EVI5: variants seen among roughly 807,000 people sequenced by gnomAD.
EVI5 encodes the protein ecotropic viral integration site 5, also known as ecotropic viral integration site 5 protein homolog.
Under a neutral mutation model 112.0 loss-of-function variants are expected in EVI5, and 73 were observed. The ratio of observed to expected loss-of-function variants is 0.65; its 90% CI spans 0.54 to 0.79. The LOEUF (loss-of-function observed/expected upper bound fraction) is 0.79. Among genes scored for constraint, EVI5 ranks in the 30% least tolerant of loss-of-function variants. EVI5 has a pLI of 0.00. For missense variants in EVI5, 900 were observed against 968.8 expected (o/e 0.93, Z 0.94); for synonymous variants, 305 against 319.9 (o/e 0.95, Z 0.50).
chr1:92,522,585 C>T (rs924399833), intron 19 of EVI5, among the ~76,000 whole-genome samples: 1 of 141,662 alleles, frequency 7.1e-6, no homozygotes, highest in African/African-American at 2.6e-5. Context: ...TAGCCGAGAT[C>T]ACGCCACAGC....
chr1:92,655,240 T>C (rs1393441140), intron 13 of EVI5, among the ~76,000 whole-genome samples: 1 of 151,570 alleles, frequency 6.6e-6, no homozygotes, highest in Non-Finnish European at 1.5e-5. Flanking sequence ...AGGTGTCTAA[T>C]CATCAGTAAA....
intron 19 of EVI5, among the ~76,000 whole-genome samples, chr1:92,522,222 T>C (rs1334687102): frequency 6.6e-6 from 1 of 152,166 alleles, no homozygotes; most frequent in East Asian, 1.9e-4. Context: ...TTCAGAGCCG[T>C]CTTATTCTTT....
chr1:92,645,238 TA>T (rs1180736194), intron 13 of EVI5, among the ~76,000 whole-genome samples: 2 of 152,194 alleles, frequency 1.3e-5, no homozygotes, highest in African/African-American at 4.8e-5. Flanking sequence ...GAACTATCAT[TA>T]TAGATAGTTC....
chr1:92,621,601 A>C (rs888465889), intron 16 of EVI5, among the ~76,000 whole-genome samples: 1 of 152,188 alleles, frequency 6.6e-6, no homozygotes, highest in African/African-American at 2.4e-5. Flanking sequence ...TGCGTGAGCT[A>C]CTGCACCCAG....
intron 18 of EVI5, among the ~76,000 whole-genome samples, chr1:92,567,466 AC>A (rs1400431831): frequency 6.6e-6 from 1 of 152,176 alleles, no homozygotes; most frequent in Non-Finnish European, 1.5e-5. Flanking sequence ...ATACAGGTGT[AC>A]CATTTTAAAT....
chr1:92,628,931 T>A (rs1656288951), intron 14 of EVI5, among the ~76,000 whole-genome samples: 1 of 152,204 alleles, frequency 6.6e-6, no homozygotes, highest in African/African-American at 2.4e-5. Context: ...AAAAAGAGGA[T>A]GCTGCAGGAA....
In EVI5 at chr1:92,589,965, G is replaced by A. The variant is rs553722355; in HGVS notation, c.2070+15342C>T. On this transcript the variant is annotated intron_variant, in intron 18 of 19. Coordinates refer to ENST00000684568, the MANE Select transcript of EVI5 (RefSeq NM_001350197.2). ...CAACATTTGCTGTTCACCAATATCCGCTGTTCTGCAGCCTCCGCTGCTGAT... is the reference window on the plus strand; with the variant it reads ...CAACATTTGCTGTTCACCAATATCCACTGTTCTGCAGCCTCCGCTGCTGAT... Among the ~76,000 whole-genome samples, 112 of 152,276 alleles carry A rather than the reference G, an allele frequency of 7.4e-4. 1 individual carries two copies. Among genetic ancestry groups the A allele is most frequent in the South Asian group, 4.2e-3 (20 of 4,818 alleles).
At chr1:92,711,049 A>C (rs984811531) in intron 2 of EVI5, among the ~76,000 whole-genome samples, 2 of 152,212 alleles carry the variant, frequency 1.3e-5, no homozygotes, top group Non-Finnish European at 2.9e-5. Flanking sequence ...CACGATGGCC[A>C]TATAAGAAAA....
chr1:92,600,696 C>T (rs551759449), intron 18 of EVI5, among the ~76,000 whole-genome samples: 6 of 152,250 alleles, frequency 3.9e-5, no homozygotes, highest in Admixed American at 1.3e-4. Context: ...CAATAGGATT[C>T]GTGCTCCTGT....
intron 16 of EVI5, 63 bp downstream of exon 16, chr1:92,624,111 ATC>A (rs1181199738): frequency 7.4e-7 from 1 of 1,356,856 alleles, no homozygotes; most frequent in Non-Finnish European, 1.0e-6. Context: ...GGATGATACA[ATC>A]TGTGCACAAA....
intron 19 of EVI5, among the ~76,000 whole-genome samples, chr1:92,555,877 A>G (rs1409473666): frequency 6.6e-6 from 1 of 150,936 alleles, no homozygotes; most frequent in Non-Finnish European, 1.5e-5. Context: ...AGGAATAAGC[A>G]TGAAGTTAAA....
At chr1:92,766,333 A>G (rs1419499303) in intron 1 of EVI5, among the ~76,000 whole-genome samples, 1 of 151,828 alleles carries the variant, frequency 6.6e-6, no homozygotes, top group African/African-American at 2.4e-5. Flanking sequence ...ATATCCACAC[A>G]CAATTTTTTC....
chr1:92,615,989 G>A (rs189396789), intron 16 of EVI5, among the ~76,000 whole-genome samples: 1 of 152,324 alleles, frequency 6.6e-6, no homozygotes, highest in East Asian at 1.9e-4. Context: ...CCACTAAGTA[G>A]GGATTCTGCA....
intron 19 of EVI5, among the ~76,000 whole-genome samples, chr1:92,524,050 T>C (rs556793237): frequency 2.1e-5 from 3 of 143,120 alleles, no homozygotes; most frequent in African/African-American, 5.3e-5. Flanking sequence ...TGAGCCGAGA[T>C]AGCGCCACTG....
intron 14 of EVI5, among the ~76,000 whole-genome samples, chr1:92,632,571 CTTCT>C (rs1657422030): frequency 1.3e-5 from 2 of 151,846 alleles, no homozygotes; most frequent in South Asian, 2.1e-4. Context: ...TCTCTCTTTT[CTTCT>C]TTATTAGTCT....
intron 18 of EVI5, among the ~76,000 whole-genome samples, chr1:92,576,629 T>G (rs927064575): frequency 6.6e-6 from 1 of 152,188 alleles, no homozygotes; most frequent in Non-Finnish European, 1.5e-5. Context: ...TACTAGAATG[T>G]CTGGTACAGA....
intron 9 of EVI5, among the ~76,000 whole-genome samples, chr1:92,684,947 A>G (rs536557967): frequency 2.0e-5 from 3 of 152,172 alleles, no homozygotes; most frequent in East Asian, 3.9e-4. Flanking sequence ...CTCCTACACA[A>G]TAATAATGGG....
At chr1:92,764,834 G>A (rs1020309326) in intron 1 of EVI5, among the ~76,000 whole-genome samples, 2 of 151,990 alleles carry the variant, frequency 1.3e-5, no homozygotes, top group Non-Finnish European at 2.9e-5. Context: ...CAATTTATTT[G>A]TTACAAATAA....
chr1:92,714,889 C>A (rs1260717005), intron 2 of EVI5, among the ~76,000 whole-genome samples: 1 of 152,064 alleles, frequency 6.6e-6, no homozygotes, highest in African/African-American at 2.4e-5. Flanking sequence ...CTGCACCTAA[C>A]CTTTACTTTT....
Sources: gnomAD v4.1 joint callset for allele counts (sites outside exome capture counted in the v4.1 genomes callset) on GRCh38, gnomAD v4.1.1 for gene constraint, MANE v1.5 for transcripts, NCBI Gene and HGNC (gene_info 2026-07-23, HGNC 2026-07-21) for gene names.